KDM3B: variants seen among roughly 807,000 people sequenced by gnomAD.
The protein encoded by KDM3B is lysine demethylase 3B.
In KDM3B, 10 loss-of-function variants were observed where a neutral mutation model predicts 170.0. That is an observed-to-expected ratio of 0.06 (90% confidence interval 0.04 to 0.10). The LOEUF is 0.10. KDM3B is among the 10% of genes least tolerant of loss of function. KDM3B has a pLI of 1.00. For synonymous variants in KDM3B, 831 were observed against 834.8 expected, an observed-to-expected ratio of 1.00 and a Z score of 0.08; for missense variants, 1,394 against 2,195.2, an observed-to-expected ratio of 0.64 and a Z score of 7.29.
chr5:138,360,522 T>TTGTGTGTGTG (rs55976818), intron 1 of KDM3B, among the ~76,000 whole-genome samples: 6,414 of 137,856 alleles, frequency 0.047, 220 homozygotes, highest in South Asian at 0.072. Context: ...TAAAAAAAGA[T>TTGTGTGTGTG]TGTGTGTGTG....
intron 9 of KDM3B, among the ~76,000 whole-genome samples, chr5:138,394,806 G>A (rs1200361693): frequency 1.3e-5 from 2 of 152,190 alleles, no homozygotes. Flanking sequence ...TTGAGAATAA[G>A]CTATGTAGAG....
At chr5:138,360,637 T>C (rs1429026503) in intron 1 of KDM3B, among the ~76,000 whole-genome samples, 1 of 150,512 alleles carries the variant, frequency 6.6e-6, no homozygotes, top group Non-Finnish European at 1.5e-5. Flanking sequence ...AGTGGCACAT[T>C]GTCGGCTTGC....
At chr5:138,354,197 G>C (rs1384898455) in intron 1 of KDM3B, among the ~76,000 whole-genome samples, 2 of 152,070 alleles carry the variant, frequency 1.3e-5, no homozygotes, top group Non-Finnish European at 2.9e-5. Flanking sequence ...CTTAGGCTTT[G>C]CTTCTGCTAC....
chr5:138,377,211 A>G (rs976437894), intron 3 of KDM3B, among the ~76,000 whole-genome samples: 21 of 152,346 alleles, frequency 1.4e-4, no homozygotes, highest in Middle Eastern at 3.4e-3. Context: ...TGTTGGATAA[A>G]TACTGAAATA....
chr5:138,430,344 T>C lies in KDM3B; in HGVS notation c.4989T>C (p.Tyr1663=). The C allele has an allele frequency of 6.2e-7, 1 of 1,613,678 alleles. No individual in the cohort carries two copies. The highest frequency in any genetic ancestry group is 1.1e-5 in the South Asian group (1 of 91,064). Residue 1663 remains tyrosine (Y), a synonymous_variant, in exon 22 of 24, where the codon TAT becomes TAC. Transcript: ENST00000314358. ...ACCAGACCCTCCGTAAGCGACTCTA[T>C]GAGGAGTATGGCGTGCAAGGCTGGG... is the stretch of plus-strand genomic sequence containing the variant. The part of the protein sequence containing the change: ...YLDQTLRKRL[Y]EEYGVQGWAI...
At chr5:138,381,752 G>T in intron 6 of KDM3B, 162 bp downstream of exon 6, 1 of 539,592 alleles carries the variant, frequency 1.9e-6, no homozygotes, top group South Asian at 3.0e-5. Context: ...AATTAAGGGG[G>T]GATATTCTCA....
chr5:138,358,302 C>CT (rs201804669), intron 1 of KDM3B, among the ~76,000 whole-genome samples: 40,697 of 108,412 alleles, frequency 0.38, 9,303 homozygotes, highest in East Asian at 0.8. Flanking sequence ...TTCTTTCTTT[C>CT]TTTCTTTTTT....
chr5:138,362,497 G>A (rs1214202415), intron 1 of KDM3B, among the ~76,000 whole-genome samples: 5 of 150,854 alleles, frequency 3.3e-5, no homozygotes, highest in African/African-American at 4.9e-5. Context: ...GCAGTGGTGT[G>A]CACCTATAGG....
At chr5:138,414,119 G>A (rs1180110016) in intron 11 of KDM3B, among the ~76,000 whole-genome samples, 1 of 152,124 alleles carries the variant, frequency 6.6e-6, no homozygotes, top group Non-Finnish European at 1.5e-5. Context: ...CACAAAGACT[G>A]CATCCTACAT....
intron 1 of KDM3B, among the ~76,000 whole-genome samples, chr5:138,362,152 T>A (rs1426955411): frequency 6.6e-6 from 1 of 151,948 alleles, no homozygotes; most frequent in African/African-American, 2.4e-5. Context: ...AAACCCTGTC[T>A]CTACTAAAAA....
intron 1 of KDM3B, among the ~76,000 whole-genome samples, chr5:138,359,079 T>C (rs1370761744): frequency 5.3e-5 from 8 of 152,040 alleles, no homozygotes; most frequent in Non-Finnish European, 1.0e-4. Context: ...TTACTGAGAA[T>C]GATGATTTCC....
At chr5:138,431,642 GA>G (rs1763534279) in intron 23 of KDM3B, 83 bp downstream of exon 23, 1 of 1,242,780 alleles carries the variant, frequency 8.0e-7, no homozygotes, top group Non-Finnish European at 1.1e-6. Flanking sequence ...TCTCCTTTCT[GA>G]GGGTATTCTC....
In KDM3B at chr5:138,392,175, A is replaced by T; in HGVS notation, c.2543A>T (p.Asn848Ile). 1.3e-6 allele frequency: 2 copies of T among 1,568,656 alleles called. No individual in the cohort carries two copies. Among genetic ancestry groups the T allele is most frequent in the Middle Eastern group, 1.7e-4 (1 of 5,794 alleles). Residue 848 changes from asparagine (N) to isoleucine (I), a missense_variant, in exon 8 of 24, where the codon AAT becomes ATT. By Grantham distance (149) the Asn-to-Ile change is moderately radical (BLOSUM62 -3). Coordinates refer to ENST00000314358, the MANE Select transcript of KDM3B (RefSeq NM_016604.4). ...CACCTGATGGGGAAGCTGGGCCCCA[A>T]TGGGGAGCGCAGTGCTGAGCTGTTG... is the stretch of plus-strand genomic sequence containing the variant. ...PEHLMGKLGP[N>I]GERSAELLLG...
rs758097819 is a variant in KDM3B, at chr5:138,386,335, G to A, written c.1094G>A (p.Arg365Lys). The change falls in exon 7 of 24, where the codon AGG becomes AAG. Residue 365 changes from arginine to lysine, a missense_variant. This residue lies in a region of KDM3B where 205 missense variants were observed against 227.6 expected (regional missense o/e 0.90). Transcript: ENST00000314358. ...RFATYTKENG[R>K]TLVVQDEPVG... ...GCCACTTACACCAAAGAAAACGGCA[G>A]GACTCTGGTGGTGCAGGATGAGCCT... The A allele has an allele frequency of 1.9e-6, 3 of 1,614,082 alleles. No individual in the cohort carries two copies. The highest frequency in any genetic ancestry group is 2.2e-5 in the East Asian group (1 of 44,898).
intron 1 of KDM3B, among the ~76,000 whole-genome samples, chr5:138,359,091 A>G (rs543013126): frequency 2.0e-3 from 309 of 151,356 alleles, no homozygotes; most frequent in African/African-American, 6.4e-3. Context: ...ATGATTTCCA[A>G]TTTCATCCAT....
intron 1 of KDM3B, among the ~76,000 whole-genome samples, chr5:138,358,462 C>T (rs1046383622): frequency 6.6e-6 from 1 of 151,296 alleles, no homozygotes; most frequent in Admixed American, 6.6e-5. Context: ...ACCACCACAC[C>T]CAGCTAATTT....
At chr5:138,420,166 G>A (rs549211911) in intron 14 of KDM3B, among the ~76,000 whole-genome samples, 2 of 152,312 alleles carry the variant, frequency 1.3e-5, no homozygotes, top group African/African-American at 2.4e-5. Context: ...GGGATTATAG[G>A]CGTGAGCCAC....
At chr5:138,353,887 A>T (rs1348656988) in intron 1 of KDM3B, among the ~76,000 whole-genome samples, 1 of 152,140 alleles carries the variant, frequency 6.6e-6, no homozygotes, top group Non-Finnish European at 1.5e-5. Context: ...AGTTTTGGCA[A>T]GCCACTTTAT....
Position 138,419,121 on chromosome 5 carries a change from A to G in KDM3B, c.3604A>G (p.Asn1202Asp). 6.2e-7 allele frequency: 1 copy of G among 1,614,230 alleles called. No homozygotes were observed. Among genetic ancestry groups the G allele is most frequent in the Non-Finnish European group, 8.5e-7 (1 of 1,180,044 alleles). Residue 1202 changes from asparagine (N) to aspartate (D), a missense_variant, in exon 14 of 24, where the codon AAT (asparagine) becomes GAT (aspartate). Physicochemically the swap from Asn to Asp is conservative, Grantham distance 23. Around this residue, in one of 19 missense-constraint regions of KDM3B, gnomAD observed 87 missense variants for 83.3 expected, o/e 1.04. Transcript: ENST00000314358. ...AACAGACAGTTCGGCATCAAATAGC[A>G]ATAGTGAACTGAAAGCCATCAGGCC... is the stretch of plus-strand genomic sequence containing the variant. The part of the protein sequence containing the change: ...LKTDSSASNS[N>D]SELKAIRPPC...
Sources: allele counts gnomAD v4.1 joint callset (sites outside exome capture counted in the v4.1 genomes callset), GRCh38; gene constraint gnomAD v4.1.1; regional missense constraint gnomAD v4.1.1; transcripts MANE v1.5; gene names NCBI Gene and HGNC (gene_info 2026-07-23, HGNC 2026-07-21).